The following MTF1 variants were observed in gnomAD, a reference collection of about 807,000 sequenced individuals.
MTF1 encodes the protein MRE-binding transcription factor.
In MTF1, 22 loss-of-function variants were observed where a neutral mutation model predicts 70.4. The ratio of observed to expected loss-of-function variants is 0.31; its 90% CI spans 0.22 to 0.45. The LOEUF is 0.45. MTF1 is among the 20% of genes least tolerant of loss of function. The probability of loss-of-function intolerance (pLI) is 1.00; values close to 1 mark genes in which losing one functional copy is unlikely to be tolerated. For missense variants in MTF1, 649 were observed against 922.0 expected, an observed-to-expected ratio of 0.70 and a Z score of 3.83; for synonymous variants, 333 against 352.8, an observed-to-expected ratio of 0.94 and a Z score of 0.63.
chr1:37,833,587 G>A (rs143287007), intron 6 of MTF1, among the ~76,000 whole-genome samples: 7 of 152,122 alleles, frequency 4.6e-5, no homozygotes, highest in Non-Finnish European at 8.8e-5. Context: ...CCAGACCCAG[G>A]GATACATTAA....
chr1:37,845,491 G>A (rs1641318517), intron 2 of MTF1, among the ~76,000 whole-genome samples: 1 of 152,150 alleles, frequency 6.6e-6, no homozygotes, highest in Admixed American at 6.6e-5. Flanking sequence ...GTATTTGTTT[G>A]ATTTTTATTG....
At chr1:37,845,606 T>C (rs1641320572) in intron 2 of MTF1, among the ~76,000 whole-genome samples, 1 of 152,142 alleles carries the variant, frequency 6.6e-6, no homozygotes, top group Non-Finnish European at 1.5e-5. Flanking sequence ...CCTCCTGGGC[T>C]CAAGCAGTCT....
intron 4 of MTF1, 72 bp from the exon 5 acceptor site, chr1:37,835,816 T>C: frequency 7.4e-7 from 1 of 1,348,840 alleles, no homozygotes. Flanking sequence ...CTTTTTTTTT[T>C]TTGAGATCGA....
chr1:37,834,786 C>T, intron 6 of MTF1: 1 of 545,768 alleles, frequency 1.8e-6, no homozygotes, highest in East Asian at 4.3e-5. Context: ...TCAAGAATGA[C>T]TATAAGATTT....
chr1:37,835,330 T>C, intron 5 of MTF1, 115 bp from the exon 6 acceptor site: 1 of 869,166 alleles, frequency 1.2e-6, no homozygotes, highest in South Asian at 1.6e-5. Context: ...TGGGTAACAG[T>C]TGTTAAAAGT....
intron 10 of MTF1, among the ~76,000 whole-genome samples, chr1:37,816,746 C>T (rs1398081033): frequency 6.6e-6 from 1 of 151,912 alleles, no homozygotes; most frequent in Non-Finnish European, 1.5e-5. Flanking sequence ...CCTATGGTCC[C>T]AGCTACTTGG....
chr1:37,850,566 A>G (rs79344698), intron 2 of MTF1, among the ~76,000 whole-genome samples: 8 of 146,546 alleles, frequency 5.5e-5, no homozygotes, highest in African/African-American at 1.5e-4. Context: ...GGGAGAGAGA[A>G]AGAGAGAGAG....
chr1:37,825,410 A>C (rs1172876688), intron 7 of MTF1, among the ~76,000 whole-genome samples: 1 of 151,094 alleles, frequency 6.6e-6, no homozygotes, highest in Non-Finnish European at 1.5e-5. Context: ...TGATTTTTTA[A>C]TTTTTCTGTA....
Position 37,838,614 on chromosome 1 carries a change from G to GT in MTF1, c.779+10dup. The GT allele has an allele frequency of 6.2e-7, 1 of 1,608,700 alleles. No homozygotes were observed. The highest frequency in any genetic ancestry group is 8.5e-7 in the Non-Finnish European group (1 of 1,176,574). On this transcript the variant is annotated intron_variant, in intron 4 of 10. Coordinates refer to ENST00000373036, the MANE Select transcript of MTF1 (RefSeq NM_005955.3). The stretch of plus-strand genomic sequence containing the variant: ...CCTGGTCAGTGACAAATAGAAAACA[G>GT]TAAGACCTACCGAAATGGCTTTTCC...
At chr1:37,817,044 A>G (rs1218272512) in intron 10 of MTF1, among the ~76,000 whole-genome samples, 1 of 152,222 alleles carries the variant, frequency 6.6e-6, no homozygotes, top group Non-Finnish European at 1.5e-5. Flanking sequence ...TTTCAGCTCT[A>G]TATGTGTCTC....
At chr1:37,853,133 GC>G (rs1237174145) in intron 2 of MTF1, among the ~76,000 whole-genome samples, 4 of 152,140 alleles carry the variant, frequency 2.6e-5, no homozygotes, top group Non-Finnish European at 4.4e-5. Context: ...GTTTTCCTCT[GC>G]CTCCAAGCTA....
chr1:37,847,846 A>G (rs1407534068), intron 2 of MTF1, among the ~76,000 whole-genome samples: 1 of 152,134 alleles, frequency 6.6e-6, no homozygotes, highest in African/African-American at 2.4e-5. Context: ...AAAATAAGAA[A>G]TTAGCCAGGT....
At chr1:37,842,332 T>G (rs1350637020) in intron 2 of MTF1, among the ~76,000 whole-genome samples, 1 of 152,122 alleles carries the variant, frequency 6.6e-6, no homozygotes, top group Non-Finnish European at 1.5e-5. Flanking sequence ...TTTTAAAAAT[T>G]TAAAAAATGG....
rs546816581 is a variant in MTF1, at chr1:37,813,301, T to C, written c.*1835A>G. The C allele has an allele frequency of 5.3e-4, 80 of 152,278 alleles. No homozygotes were observed. The highest frequency in any genetic ancestry group is 1.7e-3 in the African/African-American group (72 of 41,538). The allele number at this position is 152,278 out of a possible 1,614,324, so 9.4% of individuals were successfully genotyped here. A position where few individuals can be genotyped will look rare whatever the true frequency, so the allele number is the denominator to read the frequency against. ...TCAAAAAAAAAAAGAAGTCAATTAT[T>C]CTGGCTAGGGTCCTGGAATGAGAAA... On this transcript the variant is annotated 3_prime_UTR_variant, in exon 11 of 11. Coordinates refer to ENST00000373036, the MANE Select transcript of MTF1 (RefSeq NM_005955.3).
At chr1:37,845,797 C>T (rs150526926) in intron 2 of MTF1, among the ~76,000 whole-genome samples, 1 of 152,302 alleles carries the variant, frequency 6.6e-6, no homozygotes, top group African/African-American at 2.4e-5. Flanking sequence ...TGAGCCACCA[C>T]ACCCGGCCTG....
At chr1:37,818,246 T>C (rs1414517208) in intron 9 of MTF1, among the ~76,000 whole-genome samples, 1 of 152,174 alleles carries the variant, frequency 6.6e-6, no homozygotes, top group Non-Finnish European at 1.5e-5. Context: ...CACTCATGGA[T>C]TAATGAGTTA....
intron 9 of MTF1, among the ~76,000 whole-genome samples, chr1:37,821,594 C>A (rs540763887): frequency 1.3e-5 from 2 of 152,274 alleles, no homozygotes; most frequent in South Asian, 4.1e-4. Flanking sequence ...CACCCTGAGA[C>A]AATTCTTCAC....
Position 37,857,675 on chromosome 1 carries a change from G to T in MTF1, c.-17C>A, listed in dbSNP as rs775262193. The T allele has an allele frequency of 1.2e-6, 2 of 1,608,178 alleles. No individual in the cohort carries two copies. The highest frequency in any genetic ancestry group is 2.7e-5 in the African/African-American group (2 of 74,726). On this transcript the variant is annotated 5_prime_UTR_variant, in exon 2 of 11. It adds an upstream start codon to the 5' untranslated region. Transcript: ENST00000373036. The stretch of plus-strand genomic sequence containing the variant: ...TTCCCCCATGGTTCAGTTGTGCTCA[G>T]CCCAGTTGTGAGAAATGAAAACGTA...
rs1472691836 is a variant in MTF1 at position 37,857,681 on chromosome 1, T to C, written c.-23A>G. On this transcript the variant is annotated 5_prime_UTR_variant, in exon 2 of 11. Transcript: ENST00000373036. The stretch of plus-strand genomic sequence containing the variant: ...CATGGTTCAGTTGTGCTCAGCCCAG[T>C]TGTGAGAAATGAAAACGTAATGACT... 1 of 1,606,384 alleles carries C rather than the reference T, an allele frequency of 6.2e-7. No homozygotes were observed. The highest frequency in any genetic ancestry group is 8.5e-7 in the Non-Finnish European group (1 of 1,175,202).
Sources: allele counts gnomAD v4.1 joint callset (sites outside exome capture counted in the v4.1 genomes callset), GRCh38; gene constraint gnomAD v4.1.1; transcripts MANE v1.5; gene names NCBI Gene and HGNC (gene_info 2026-07-23, HGNC 2026-07-21).